Variants in GOLGA8M observed in about 807,000 individuals in gnomAD.
GOLGA8M encodes golgin subfamily A member 8M.
In GOLGA8M, 34 loss-of-function variants were observed where a neutral mutation model predicts 87.7. That is an observed-to-expected ratio of 0.39 (90% CI 0.29 to 0.52). GOLGA8M has a LOEUF of 0.52. Ranked by LOEUF, GOLGA8M falls within the 20% of genes least tolerant of loss-of-function variation. GOLGA8M has a pLI of 0.80. For synonymous variants in GOLGA8M, 138 were observed against 250.2 expected (o/e 0.55, Z 4.23); for missense variants, 396 against 682.2 (o/e 0.58, Z 4.67).
chr15:28,706,701 T>G lies in GOLGA8M; in HGVS notation c.592-2A>C, dbSNP rs1299600537. On this transcript the variant is annotated splice_acceptor_variant, in intron 8 of 18. Coordinates refer to ENST00000563027, the MANE Select transcript of GOLGA8M (RefSeq NM_001282468.3). LOFTEE classifies it high-confidence loss of function. Reference sequence around the variant, plus strand: ...ACCTGCTTTACTGGGGCTGGACAACTGGATGGCAAAGAGTGAGAAGTTTCA... The same window carrying G: ...ACCTGCTTTACTGGGGCTGGACAACGGGATGGCAAAGAGTGAGAAGTTTCA... 4.2e-6 allele frequency: 6 copies of G among 1,434,748 alleles called. No individual in the cohort carries two copies. The Admixed American group carries it at 7.6e-5, about 18-fold the overall frequency. The allele number at this position is 1,434,748 out of a possible 1,614,324, so 88.9% of individuals were successfully genotyped here.
chr15:28,701,246 A>C lies in GOLGA8M; in HGVS notation c.*708T>G, dbSNP rs891251713. 8.6e-5 allele frequency among the ~76,000 whole-genome samples: 13 copies of C among 151,990 alleles called. No homozygotes were observed. The highest frequency in any genetic ancestry group is 2.7e-4 in the African/African-American group (11 of 41,380). On this transcript the variant is annotated 3_prime_UTR_variant, in exon 19 of 19. Coordinates refer to ENST00000563027, the MANE Select transcript of GOLGA8M (RefSeq NM_001282468.3). The stretch of plus-strand genomic sequence containing the variant: ...AGGGCACCACCATAATACACCGCTA[A>C]TTCCTGGCACCGGAACAGATGAAAC...
intron 13 of GOLGA8M, among the ~76,000 whole-genome samples, chr15:28,704,201 TG>T: frequency 6.9e-6 from 1 of 144,658 alleles, no homozygotes; most frequent in Middle Eastern, 3.2e-3. Context: ...GGTAATGGTC[TG>T]GCTGCTGCTG....
Position 28,701,894 on chromosome 15 carries a change from C to T in GOLGA8M, c.*60G>A. On this transcript the variant is annotated 3_prime_UTR_variant, in exon 19 of 19. Coordinates refer to ENST00000563027, the MANE Select transcript of GOLGA8M (RefSeq NM_001282468.3). ...GTAAATGAATTGTGTAGGAGATTAA[C>T]CCCATAACTTGGTTTCTTATTTAAA... The T allele has an allele frequency of 7.1e-7, 1 of 1,407,584 alleles. No homozygotes were observed. Among genetic ancestry groups the T allele is most frequent in the South Asian group, 1.2e-5 (1 of 81,610 alleles). 87.2% of individuals were successfully genotyped at this position (1,407,584 alleles called of 1,614,324 possible). A position where few individuals can be genotyped will look rare whatever the true frequency, so the allele number is the denominator to read the frequency against.
chr15:28,702,107 G>A lies in GOLGA8M; in HGVS notation c.1746C>T (p.Thr582=), dbSNP rs566400772. ...CCCTGGCCTCTCCTTGGGCAGAGGA[G>A]GTGAGGCTCACCTCACAAAGATCTT... ...KHGDLCEVSL[T]SSAQGEARED... is the part of the protein sequence containing the mutation. Residue 582 remains threonine, a synonymous_variant, in exon 19 of 19, where the codon ACC becomes ACT. Coordinates refer to ENST00000563027, the MANE Select transcript of GOLGA8M (RefSeq NM_001282468.3). 2 of 1,584,762 alleles carry A rather than the reference G, an allele frequency of 1.3e-6. No homozygotes were observed. Among genetic ancestry groups the A allele is most frequent in the African/African-American group, 1.4e-5 (1 of 72,874 alleles).
rs746471626 is a variant in GOLGA8M, at chr15:28,702,637, C to T, written c.1469+8G>A. The T allele has an allele frequency of 2.5e-6, 4 of 1,610,160 alleles. 1 individual carries two copies. Among genetic ancestry groups the T allele is most frequent in the Admixed American group, 1.7e-5 (1 of 60,008 alleles). On this transcript the variant is annotated splice_region_variant and intron_variant, in intron 16 of 18. Coordinates refer to ENST00000563027, the MANE Select transcript of GOLGA8M (RefSeq NM_001282468.3). ...GCTCCCCCTGCCGTGCCCTGGCCTC[C>T]CACTCACTGATGGCATCTCTCTTGC... is the stretch of plus-strand genomic sequence containing the variant.
chr15:28,704,629 G>A (rs996484201), intron 13 of GOLGA8M, among the ~76,000 whole-genome samples: 15 of 145,754 alleles, frequency 1.0e-4, no homozygotes, highest in African/African-American at 3.4e-4. Context: ...CCAGGCTGGA[G>A]TGCAGTGGTG....
chr15:28,712,483 C>T (rs1326110472), upstream of GOLGA8M, among the ~76,000 whole-genome samples: 1 of 151,440 alleles, frequency 6.6e-6, no homozygotes, highest in Admixed American at 6.6e-5. Context: ...GGCCTTAATG[C>T]TCCAAGCCCA....
At chr15:28,708,342 C>A (rs1383566300) in intron 5 of GOLGA8M, 33 bp downstream of exon 5, 10 of 1,606,692 alleles carry the variant, frequency 6.2e-6, no homozygotes, top group Admixed American at 1.7e-5. Context: ...CTTCTTCCAG[C>A]AGTCATGTTG....
rs572527422 is a variant in GOLGA8M at position 28,704,718 on chromosome 15, C to G, written c.1200+441G>C. Among the ~76,000 whole-genome samples the G allele has an allele frequency of 2.8e-5, 4 of 143,130 alleles. 1 individual carries two copies. The highest frequency in any genetic ancestry group is 5.9e-5 in the Non-Finnish European group (4 of 67,622). 93.9% of individuals were successfully genotyped at this position (143,130 alleles called of 152,430 possible). A position where few individuals can be genotyped will look rare whatever the true frequency, so the allele number is the denominator to read the frequency against. ...TCAGCCTCCCGAGTAGGTGGAATTACAGGCATGCACCACAATGTCCTGCTA... is the reference window on the plus strand; with the variant it reads ...TCAGCCTCCCGAGTAGGTGGAATTAGAGGCATGCACCACAATGTCCTGCTA... On this transcript the variant is annotated intron_variant, in intron 13 of 18. Coordinates refer to ENST00000563027, the MANE Select transcript of GOLGA8M (RefSeq NM_001282468.3).
In GOLGA8M at chr15:28,700,990, G is replaced by A. The variant is rs1441688316; in HGVS notation, c.*964C>T. ...GAAGAATGCCAACCAGTGTCCTTTTGTGTACTGGGACATGTAGTCATGCGA... is the reference window on the plus strand; with the variant it reads ...GAAGAATGCCAACCAGTGTCCTTTTATGTACTGGGACATGTAGTCATGCGA... On this transcript the variant is annotated 3_prime_UTR_variant, in exon 19 of 19. Transcript: ENST00000563027. 6.6e-6 allele frequency among the ~76,000 whole-genome samples: 1 copy of A among 152,084 alleles called. No homozygotes were observed. Among genetic ancestry groups the A allele is most frequent in the Non-Finnish European group, 1.5e-5 (1 of 68,006 alleles).
In GOLGA8M at chr15:28,705,723, C is replaced by T. The variant is rs1187561670; in HGVS notation, c.891G>A (p.Pro297=). 3.0e-5 allele frequency: 48 copies of T among 1,573,988 alleles called. 3 individuals are homozygous for T. The highest frequency in any genetic ancestry group is 1.1e-4 in the East Asian group (4 of 35,016). The change falls in exon 12 of 19, where the codon CCG becomes CCA. Residue 297 remains proline (P), a synonymous_variant. Transcript: ENST00000563027. ...LKNQMAEPLP[P]EPPAVPSEVE... is the part of the protein sequence containing the mutation. ...CCTCAGAGGGCACTGCTGGGGGCTCCGGGGGCAAGGGTTCAGCTGAGAAAG... is the reference window on the plus strand; with the variant it reads ...CCTCAGAGGGCACTGCTGGGGGCTCTGGGGGCAAGGGTTCAGCTGAGAAAG...
chr15:28,707,560 G>A (rs1176907638), intron 8 of GOLGA8M, among the ~76,000 whole-genome samples, 188 bp downstream of exon 8: 4 of 141,200 alleles, frequency 2.8e-5, no homozygotes, highest in African/African-American at 5.4e-5. Context: ...TCCACACAGT[G>A]ACCCCCAACT....
Position 28,708,324 on chromosome 15 carries a change from G to C in GOLGA8M, c.348+51C>G, listed in dbSNP as rs780062170. 11 of 1,609,652 alleles carry C rather than the reference G, an allele frequency of 6.8e-6. No homozygotes were observed. The South Asian group carries it at 8.8e-5, about 13-fold the overall frequency. ...CTGTGGGGATGGGGTGGAATCTGAA[G>C]GGTGAGCCTTCTTCCAGCAGTCATG... is the stretch of plus-strand genomic sequence containing the variant. On this transcript the variant is annotated intron_variant, in intron 5 of 18. Coordinates refer to ENST00000563027, the MANE Select transcript of GOLGA8M (RefSeq NM_001282468.3).
chr15:28,704,922 G>A, intron 13 of GOLGA8M: 2 of 890,268 alleles, frequency 2.2e-6, no homozygotes, highest in East Asian at 3.3e-5. Context: ...CTTCCCCTGT[G>A]ATTGGGGGCT....
rs1453964311 is a variant in GOLGA8M at position 28,702,794 on chromosome 15, G to T, written c.1369-49C>A. 1.2e-5 allele frequency: 19 copies of T among 1,586,950 alleles called. 1 individual carries two copies. Among genetic ancestry groups the T allele is most frequent in the East Asian group, 2.3e-5 (1 of 43,364 alleles). ...CATCTCGGCAGCGACCTGCCCTCAG[G>T]TGGCATTTTCAAGTCATGGAGAAGG... is the stretch of plus-strand genomic sequence containing the variant. On this transcript the variant is annotated intron_variant, in intron 15 of 18. Transcript: ENST00000563027.
chr15:28,704,796 A>G (rs2079957349), intron 13 of GOLGA8M, among the ~76,000 whole-genome samples: 2 of 144,764 alleles, frequency 1.4e-5, no homozygotes, highest in African/African-American at 5.3e-5. Flanking sequence ...CACATTGGCC[A>G]GGCTGATCTC....
At position 28,705,518 on chromosome 15, in the gene GOLGA8M, G is replaced by C; in HGVS notation, c.1096C>G (p.Gln366Glu). The change falls in exon 12 of 19, where the codon CAG (glutamine) becomes GAG (glutamate). Residue 366 changes from glutamine to glutamate, a missense_variant. Physicochemically the swap from Gln to Glu is conservative, Grantham distance 29. Coordinates refer to ENST00000563027, the MANE Select transcript of GOLGA8M (RefSeq NM_001282468.3). ...AAGACGCTCTGTGGCTTGGCCAGCT[G>C]CTGAAGGCTCTTGTGCTGCTCCTGA... Reference protein sequence around the residue: ...RIQEQHKSLQQLAKPQSVFEE... With the variant: ...RIQEQHKSLQELAKPQSVFEE... 1 of 1,537,810 alleles carries C rather than the reference G, an allele frequency of 6.5e-7. No individual in the cohort carries two copies. The highest frequency in any genetic ancestry group is 1.2e-5 in the South Asian group (1 of 84,610).
At position 28,699,053 on chromosome 15, in the gene GOLGA8M, A is replaced by C. The variant is rs900277597; in HGVS notation, c.*2901T>G. On this transcript the variant is annotated 3_prime_UTR_variant, in exon 19 of 19. Transcript: ENST00000563027. The stretch of plus-strand genomic sequence containing the variant: ...CAGAACATTAAGATAGCAGTTACAT[A>C]TTTTAATAGTTATATTATTTTAAAA... 3.3e-5 allele frequency among the ~76,000 whole-genome samples: 5 copies of C among 149,978 alleles called. No individual in the cohort carries two copies. The highest frequency in any genetic ancestry group is 5.9e-5 in the Non-Finnish European group (4 of 67,964).
At chr15:28,708,616 C>G (rs910873589) in intron 4 of GOLGA8M, among the ~76,000 whole-genome samples, 1 of 148,480 alleles carries the variant, frequency 6.7e-6, no homozygotes, top group African/African-American at 2.5e-5. Flanking sequence ...AGCCACAGAA[C>G]TCAAAGTCTG....
Sources: allele counts gnomAD v4.1 joint callset (sites outside exome capture counted in the v4.1 genomes callset), GRCh38; gene constraint gnomAD v4.1.1; transcripts MANE v1.5; gene names NCBI Gene and HGNC (gene_info 2026-07-23, HGNC 2026-07-21).